Variants in KCNMA1 observed in about 807,000 individuals in gnomAD.
The protein encoded by KCNMA1 is potassium calcium-activated channel subfamily M alpha 1, also known as Calcium-activated potassium channel subunit alpha-1.
A neutral mutation model predicts 140.0 loss-of-function variants in KCNMA1; 29 were observed. That is an observed-to-expected ratio of 0.21 (90% CI 0.15 to 0.28). The LOEUF (loss-of-function observed/expected upper bound fraction) is 0.28. KCNMA1 is among the 10% of genes least tolerant of loss of function. KCNMA1 has a pLI of 1.00. For synonymous variants in KCNMA1, 612 were observed against 611.9 expected (o/e 1.00, Z 0.00); for missense variants, 880 against 1,602.2 (o/e 0.55, Z 7.70).
intron 1 of KCNMA1, among the ~76,000 whole-genome samples, chr10:77,412,660 G>A (rs1225710321): frequency 6.6e-6 from 1 of 152,192 alleles, no homozygotes; most frequent in Non-Finnish European, 1.5e-5. Context: ...TGCCCCAGGG[G>A]GGCTGGTTAC....
chr10:77,010,881 A>G (rs1035650214), intron 18 of KCNMA1, among the ~76,000 whole-genome samples: 1 of 152,060 alleles, frequency 6.6e-6, no homozygotes, highest in Admixed American at 6.5e-5. Context: ...AAGACTGCCC[A>G]CATTGCCTTT....
intron 1 of KCNMA1, among the ~76,000 whole-genome samples, chr10:77,573,681 T>C (rs2072831866): frequency 2.0e-5 from 3 of 148,296 alleles, no homozygotes; most frequent in African/African-American, 7.5e-5. Flanking sequence ...TAGAATAGAA[T>C]AGAATAGAAT....
At chr10:77,233,375 C>T (rs2054268040) in intron 3 of KCNMA1, among the ~76,000 whole-genome samples, 2 of 152,152 alleles carry the variant, frequency 1.3e-5, no homozygotes, top group Admixed American at 6.5e-5. Context: ...GTGCAGTACT[C>T]AGGGAGTCCA....
intron 1 of KCNMA1, among the ~76,000 whole-genome samples, chr10:77,603,741 T>C (rs1357054898): frequency 6.6e-6 from 1 of 152,166 alleles, no homozygotes; most frequent in African/African-American, 2.4e-5. Flanking sequence ...GGCTGCCCAG[T>C]ACTAGCTCTT....
chr10:77,213,734 C>T (rs150412300), intron 3 of KCNMA1, among the ~76,000 whole-genome samples: 2,085 of 152,236 alleles, frequency 0.014, 24 homozygotes, highest in Middle Eastern at 0.031. Context: ...GTGACCCTTT[C>T]CTTTCCTCCA....
chr10:76,941,447 C>G (rs1050636961), intron 23 of KCNMA1, among the ~76,000 whole-genome samples: 2 of 152,148 alleles, frequency 1.3e-5, no homozygotes, highest in African/African-American at 4.8e-5. Context: ...GGGTCTGCAG[C>G]CAGAGGTGAG....
intron 2 of KCNMA1, among the ~76,000 whole-genome samples, chr10:77,384,010 C>T (rs1402631154): frequency 1.3e-5 from 2 of 152,240 alleles, no homozygotes; most frequent in African/African-American, 2.4e-5. Flanking sequence ...AAGATTTGTG[C>T]GTCACCATCA....
chr10:77,161,696 C>T (rs974515166), intron 5 of KCNMA1, among the ~76,000 whole-genome samples: 8 of 152,176 alleles, frequency 5.3e-5, no homozygotes, highest in African/African-American at 1.9e-4. Flanking sequence ...GTAGTCAACG[C>T]ATGGATAACA....
chr10:77,586,131 T>C (rs969865682), intron 1 of KCNMA1, among the ~76,000 whole-genome samples: 5 of 152,218 alleles, frequency 3.3e-5, no homozygotes, highest in African/African-American at 1.2e-4. Flanking sequence ...GAAATCAGTA[T>C]GTAACACTCT....
At chr10:76,870,998 T>C (rs939970602) in exon 28 of KCNMA1, 2 of 152,286 alleles carry the variant, frequency 1.3e-5, no homozygotes, top group Non-Finnish European at 2.9e-5. Context: ...CTAGATCTCC[T>C]GTCCCAAGAA....
chr10:77,258,560 G>C (rs2061307951), intron 2 of KCNMA1, among the ~76,000 whole-genome samples: 1 of 152,178 alleles, frequency 6.6e-6, no homozygotes, highest in Non-Finnish European at 1.5e-5. Flanking sequence ...CTCAGACTGA[G>C]TCTCAGTGTT....
chr10:77,625,197 T>C lies in KCNMA1; in HGVS notation c.378+12068A>G, dbSNP rs932487008. Among the ~76,000 whole-genome samples, 22 of 152,058 alleles carry C rather than the reference T, an allele frequency of 1.4e-4. 1 individual carries two copies. The highest frequency in any genetic ancestry group is 1.1e-3 in the Admixed American group (17 of 15,266). On this transcript the variant is annotated intron_variant, in intron 1 of 27. Transcript: ENST00000286628. ...TCACGAGATCAGGAGATCCAGACCA[T>C]GGTGAAACCCCGTCTCTACTAAAAA...
intron 15 of KCNMA1, among the ~76,000 whole-genome samples, chr10:77,028,894 T>C (rs1245116052): frequency 6.6e-6 from 1 of 152,146 alleles, no homozygotes; most frequent in Non-Finnish European, 1.5e-5. Context: ...ATGTTTATGC[T>C]TAAAGATTTT....
intron 2 of KCNMA1, among the ~76,000 whole-genome samples, chr10:77,362,362 AC>A (rs1254986934): frequency 4.9e-4 from 4 of 8,216 alleles, no homozygotes; most frequent in African/African-American, 1.4e-3. Flanking sequence ...CACCCCCCCC[AC>A]CCCACACACA....
intron 1 of KCNMA1, among the ~76,000 whole-genome samples, chr10:77,496,423 C>A (rs1011973751): frequency 1.3e-5 from 2 of 151,846 alleles, no homozygotes; most frequent in Non-Finnish European, 2.9e-5. Context: ...GGTGAAACCC[C>A]GTCTCTACTA....
chr10:77,401,844 C>G (rs1316279926), intron 2 of KCNMA1, among the ~76,000 whole-genome samples: 1 of 152,196 alleles, frequency 6.6e-6, no homozygotes, highest in Non-Finnish European at 1.5e-5. Context: ...CCTACAGCCC[C>G]TCCCCACACT....
At chr10:77,599,570 AG>A (rs774642450) in intron 1 of KCNMA1, among the ~76,000 whole-genome samples, 17 of 152,322 alleles carry the variant, frequency 1.1e-4, no homozygotes, top group Middle Eastern at 3.4e-3. Context: ...TCTATCTATC[AG>A]GAATAAGGTT....
At chr10:77,542,935 G>A (rs757581364) in intron 1 of KCNMA1, among the ~76,000 whole-genome samples, 5 of 152,058 alleles carry the variant, frequency 3.3e-5, no homozygotes, top group Admixed American at 1.3e-4. Context: ...GACTTAATAC[G>A]GAGAGAGTTG....
chr10:77,509,110 G>A (rs1477719980), intron 1 of KCNMA1, among the ~76,000 whole-genome samples: 1 of 115,672 alleles, frequency 8.6e-6, no homozygotes, highest in Non-Finnish European at 1.7e-5. Context: ...TTTTGTTGTT[G>A]TTGTTGTTGT....
Sources: allele counts gnomAD v4.1 joint callset (sites outside exome capture counted in the v4.1 genomes callset), GRCh38; gene constraint gnomAD v4.1.1; transcripts MANE v1.5; gene names NCBI Gene and HGNC (gene_info 2026-07-23, HGNC 2026-07-21).